Variants in ANKRD39 observed in about 807,000 individuals in gnomAD.
ANKRD39 encodes ankyrin repeat domain 39.
A neutral mutation model predicts 20.3 loss-of-function variants in ANKRD39; 18 were observed. The observed-to-expected ratio is 0.89, with a 90% CI of 0.61 to 1.32. The LOEUF (loss-of-function observed/expected upper bound fraction) is 1.32, where lower values mean the gene tolerates loss of function less well. ANKRD39 is among the 40% of genes most tolerant of loss of function. The probability of loss-of-function intolerance (pLI) is 0.00; values close to 1 mark genes in which losing one functional copy is unlikely to be tolerated. For synonymous variants in ANKRD39, 106 were observed against 111.9 expected, an observed-to-expected ratio of 0.95 and a Z score of 0.33; for missense variants, 243 against 250.7, an observed-to-expected ratio of 0.97 and a Z score of 0.21.
At chr2:96,851,874 G>C (rs1227097290) in intron 3 of ANKRD39, among the ~76,000 whole-genome samples, 2 of 152,186 alleles carry the variant, frequency 1.3e-5, no homozygotes, top group Admixed American at 6.5e-5. Context: ...TATGGCTCTG[G>C]GGGGACAGAG....
chr2:96,853,632 T>G (rs1345107301), intron 2 of ANKRD39, 28 bp from the exon 3 acceptor site: 2 of 1,606,294 alleles, frequency 1.2e-6, no homozygotes, highest in Non-Finnish European at 8.5e-7. Context: ...CGAGGTCAGA[T>G]GGGAGAAGCC....
chr2:96,848,407 A>G lies in ANKRD39; in HGVS notation c.446T>C (p.Leu149Pro), dbSNP rs1302268880. 6.2e-6 allele frequency: 10 copies of G among 1,614,176 alleles called. No homozygotes were observed. The Middle Eastern group carries it at 6.6e-4, about 107-fold the overall frequency. The change falls in exon 4 of 4, where the codon CTC (leucine) becomes CCC (proline). Residue 149 changes from leucine to proline, a missense_variant. Coordinates refer to ENST00000393537, the MANE Select transcript of ANKRD39 (RefSeq NM_016466.6). Reference sequence around the variant, plus strand: ...CTTCAGGGCTGGGCTGTGTTGCAGGAGGAGGGAGCAGATGTCCCCGTGACC... The same window carrying G: ...CTTCAGGGCTGGGCTGTGTTGCAGGGGGAGGGAGCAGATGTCCCCGTGACC... ...ERGHGDICSLLLQHSPALKAI... is the reference protein window; with the variant it reads ...ERGHGDICSLPLQHSPALKAI...
rs150442585 is a variant in ANKRD39 at position 96,851,990 on chromosome 2, G to T, written c.408+1411C>A. ...CCCAGGTGTCGAGACGATAGTGAGA[G>T]ACCCTGTCTCTACTACTACTACTAA... On this transcript the variant is annotated intron_variant, in intron 3 of 3. Coordinates refer to ENST00000393537, the MANE Select transcript of ANKRD39 (RefSeq NM_016466.6). Among the ~76,000 whole-genome samples, 680 of 152,200 alleles carry T rather than the reference G, an allele frequency of 4.5e-3. 25 individuals are homozygous for T. Among genetic ancestry groups the T allele is most frequent in the Admixed American group, 0.04 (607 of 15,282 alleles).
intron 3 of ANKRD39, among the ~76,000 whole-genome samples, chr2:96,850,240 T>G (rs1225999728): frequency 6.6e-6 from 1 of 152,218 alleles, no homozygotes; most frequent in Non-Finnish European, 1.5e-5. Flanking sequence ...GTCCTCCTAA[T>G]GAGTACAGAC....
In ANKRD39 at chr2:96,848,447, G is replaced by A. The variant is rs778401253; in HGVS notation, c.409-3C>T. The A allele has an allele frequency of 2.5e-6, 4 of 1,613,900 alleles. No homozygotes were observed. The Admixed American group carries it at 5.0e-5, about 20-fold the overall frequency. On this transcript the variant is annotated splice_region_variant and splice_polypyrimidine_tract_variant and intron_variant, in intron 3 of 3. Transcript: ENST00000393537. Reference sequence around the variant, plus strand: ...TCCCCGTGACCCCTCTCAGCAGCCTGTGGAGAGAAAGGCTGGAATCAAAGG... The same window carrying A: ...TCCCCGTGACCCCTCTCAGCAGCCTATGGAGAGAAAGGCTGGAATCAAAGG...
At chr2:96,852,739 C>T (rs915835651) in intron 3 of ANKRD39, among the ~76,000 whole-genome samples, 3 of 152,156 alleles carry the variant, frequency 2.0e-5, no homozygotes, top group African/African-American at 7.2e-5. Context: ...ACATATGCCA[C>T]ATATGCATAG....
intron 1 of ANKRD39, among the ~76,000 whole-genome samples, chr2:96,854,719 TA>T: frequency 6.6e-6 from 1 of 152,312 alleles, no homozygotes; most frequent in East Asian, 1.9e-4. Flanking sequence ...AAGTAATGTT[TA>T]AAATGTTTGG....
chr2:96,853,317 C>CTGTTTTCCCCA (rs2079846756), intron 3 of ANKRD39, 84 bp downstream of exon 3: 8 of 1,451,196 alleles, frequency 5.5e-6, no homozygotes, highest in Non-Finnish European at 7.5e-6. Flanking sequence ...CTCTGATTTC[C>CTGTTTTCCCCA]TGTTTTCCCC....
In ANKRD39 at chr2:96,854,438, A is replaced by G. The variant is rs778835396; in HGVS notation, c.104T>C (p.Ile35Thr). ...GTCTCCATTCAGGGCTGCCGACCAGATTCCTGCAGAAAGGCAACCAAAGGA... is the reference window on the plus strand; with the variant it reads ...GTCTCCATTCAGGGCTGCCGACCAGGTTCCTGCAGAAAGGCAACCAAAGGA... The part of the protein sequence containing the change: ...TLEEMDFERG[I>T]WSAALNGDLG... Residue 35 changes from isoleucine (I) to threonine (T), a missense_variant, in exon 2 of 4, where the codon ATC (isoleucine) becomes ACC (threonine). Physicochemically the swap from Ile to Thr is moderately conservative, Grantham distance 89 (BLOSUM62 -1). Transcript: ENST00000393537. 4.3e-6 allele frequency: 7 copies of G among 1,614,160 alleles called. No homozygotes were observed. The highest frequency in any genetic ancestry group is 2.5e-6 in the Non-Finnish European group (3 of 1,180,012).
At chr2:96,849,906 A>G (rs2079828596) in intron 3 of ANKRD39, among the ~76,000 whole-genome samples, 3 of 152,202 alleles carry the variant, frequency 2.0e-5, no homozygotes. Flanking sequence ...CCTCCCCCCA[A>G]AAATAATAGA....
At chr2:96,850,332 C>T (rs2153359640) in intron 3 of ANKRD39, among the ~76,000 whole-genome samples, 1 of 152,166 alleles carries the variant, frequency 6.6e-6, no homozygotes, top group South Asian at 2.1e-4. Context: ...ATAATTTTTA[C>T]AAAAAATAAA....
At chr2:96,856,019 T>TA (rs1307797282) in intron 1 of ANKRD39, among the ~76,000 whole-genome samples, 36 of 151,532 alleles carry the variant, frequency 2.4e-4, no homozygotes, top group African/African-American at 8.6e-4. Context: ...AACAAAGAGT[T>TA]ACTGTAGTGA....
At chr2:96,856,678 C>T (rs1010199220) in intron 1 of ANKRD39, among the ~76,000 whole-genome samples, 4 of 152,112 alleles carry the variant, frequency 2.6e-5, no homozygotes, top group African/African-American at 9.7e-5. Context: ...TTGTGACAAC[C>T]CAAAATGTCT....
intron 3 of ANKRD39, 42 bp from the exon 4 acceptor site, chr2:96,848,486 C>G (rs1175809056): frequency 6.2e-7 from 1 of 1,610,198 alleles, no homozygotes. Context: ...TACCCCCCCA[C>G]TGGGCTCTGC....
Position 96,848,297 on chromosome 2 carries a change from C to T in ANKRD39, c.*4G>A, listed in dbSNP as rs368618470. 4.2e-5 allele frequency: 68 copies of T among 1,613,696 alleles called. No individual in the cohort carries two copies. In the Admixed American group the frequency reaches 5.3e-4, roughly 13 times the overall value. ...TTAAAGGCAGCTGGAGATAGGGTGGCGGCTCAGCTGGATAGCAGGTCCCGC... is the reference window on the plus strand; with the variant it reads ...TTAAAGGCAGCTGGAGATAGGGTGGTGGCTCAGCTGGATAGCAGGTCCCGC... On this transcript the variant is annotated 3_prime_UTR_variant, in exon 4 of 4. Transcript: ENST00000393537.
At chr2:96,854,508 G>A in intron 1 of ANKRD39, 67 bp from the exon 2 acceptor site, 1 of 1,457,020 alleles carries the variant, frequency 6.9e-7, no homozygotes, top group East Asian at 2.3e-5. Context: ...TTTGCCTCTT[G>A]ACCTCAGTTT....
rs185481591 is a variant in ANKRD39, at chr2:96,855,853, G to A, written c.101-1412C>T. Among the ~76,000 whole-genome samples, 62 of 152,256 alleles carry A rather than the reference G, an allele frequency of 4.1e-4. No homozygotes were observed. The East Asian group carries it at 7.7e-3, about 19-fold the overall frequency. On this transcript the variant is annotated intron_variant, in intron 1 of 3. Coordinates refer to ENST00000393537, the MANE Select transcript of ANKRD39 (RefSeq NM_016466.6). ...AAATTAGCCGGGCATGGTGGCGGGCGCCTGTAGTCCCAGCTACTTGGGAGG... is the reference window on the plus strand; with the variant it reads ...AAATTAGCCGGGCATGGTGGCGGGCACCTGTAGTCCCAGCTACTTGGGAGG...
chr2:96,848,577 A>C, intron 3 of ANKRD39, 133 bp from the exon 4 acceptor site: 5 of 1,212,966 alleles, frequency 4.1e-6, no homozygotes, highest in Non-Finnish European at 4.5e-6. Flanking sequence ...CTGTAATCTC[A>C]GCACTTTGGG....
At chr2:96,848,500 CTCTT>C in intron 3 of ANKRD39, 56 bp from the exon 4 acceptor site, 1 of 1,594,664 alleles carries the variant, frequency 6.3e-7, no homozygotes. Context: ...GCTCTGCTCT[CTCTT>C]GTTCCACTTT....
Sources: allele counts gnomAD v4.1 joint callset (sites outside exome capture counted in the v4.1 genomes callset), GRCh38; gene constraint gnomAD v4.1.1; transcripts MANE v1.5; gene names NCBI Gene and HGNC (gene_info 2026-07-23, HGNC 2026-07-21).